The following PDE5A variants were observed in gnomAD, a reference collection of about 807,000 sequenced individuals.
PDE5A encodes phosphodiesterase 5A, also known as cGMP-specific 3',5'-cyclic phosphodiesterase.
Under a neutral mutation model 110.2 loss-of-function variants are expected in PDE5A, and 67 were observed. The observed-to-expected ratio is 0.61, with a 90% CI of 0.50 to 0.75. The LOEUF (loss-of-function observed/expected upper bound fraction) is 0.75, where lower values mean the gene tolerates loss of function less well. Among genes scored for constraint, PDE5A ranks in the 30% least tolerant of loss-of-function variants. The pLI, the probability that PDE5A is intolerant of heterozygous loss-of-function variation, is 0.00. For synonymous variants in PDE5A, 328 were observed against 351.2 expected (o/e 0.93, Z 0.74); for missense variants, 862 against 1,045.1 (o/e 0.82, Z 2.42).
rs116131811 is a variant in PDE5A at position 119,588,339 on chromosome 4, G to A, written c.831+8184C>T. ...GATTGCAGGCGCATGCCACACACCC[G>A]GCTAATTTTTGTATTTTTCGTAGAG... On this transcript the variant is annotated intron_variant, in intron 3 of 20. Coordinates refer to ENST00000354960, the MANE Select transcript of PDE5A (RefSeq NM_001083.4). 5.8e-3 allele frequency among the ~76,000 whole-genome samples: 878 copies of A among 151,538 alleles called. 12 individuals carry two copies. The highest frequency in any genetic ancestry group is 0.019 in the African/African-American group (801 of 41,318).
Position 119,544,745 on chromosome 4 carries a change from C to T in PDE5A, c.1397-2111G>A, listed in dbSNP as rs59601296. Among the ~76,000 whole-genome samples, 1,173 of 152,272 alleles carry T rather than the reference C, an allele frequency of 7.7e-3. 19 individuals carry two copies. Among genetic ancestry groups the T allele is most frequent in the African/African-American group, 0.027 (1,112 of 41,568 alleles). On this transcript the variant is annotated intron_variant, in intron 9 of 20. Transcript: ENST00000354960. The stretch of plus-strand genomic sequence containing the variant: ...GAGGGGTTGAGATGTGAATACCAGG[C>T]AATCTGCGAGGCTTATGACCTAGCT...
chr4:119,537,768 T>G (rs1471969445), intron 11 of PDE5A, among the ~76,000 whole-genome samples: 1 of 151,612 alleles, frequency 6.6e-6, no homozygotes, highest in Non-Finnish European at 1.5e-5. Context: ...AACCAGCACC[T>G]CAAACTTACC....
intron 3 of PDE5A, among the ~76,000 whole-genome samples, chr4:119,579,212 G>A (rs1303935307): frequency 1.3e-5 from 2 of 152,090 alleles, no homozygotes; most frequent in Non-Finnish European, 2.9e-5. Flanking sequence ...AGGATGTGGA[G>A]AAATAGGAAC....
chr4:119,559,191 AT>A (rs1454361844), intron 7 of PDE5A, among the ~76,000 whole-genome samples: 2 of 152,180 alleles, frequency 1.3e-5, no homozygotes, highest in Non-Finnish European at 2.9e-5. Context: ...AAATATATAT[AT>A]AGCAAGACAT....
At chr4:119,576,678 A>G (rs1728363286) in intron 3 of PDE5A, among the ~76,000 whole-genome samples, 1 of 152,200 alleles carries the variant, frequency 6.6e-6, no homozygotes, top group Non-Finnish European at 1.5e-5. Context: ...TCTGGGACAC[A>G]TTCAAAGCAG....
Position 119,497,638 on chromosome 4 carries a change from T to A in PDE5A, c.*963A>T, listed in dbSNP as rs1016209395. The A allele has an allele frequency of 3.9e-5, 6 of 152,296 alleles. No individual in the cohort carries two copies. The South Asian group carries it at 1.2e-3, about 32-fold the overall frequency. The allele number at this position is 152,296 out of a possible 1,614,324, so 9.4% of individuals were successfully genotyped here. A position where few individuals can be genotyped will look rare whatever the true frequency, so the allele number is the denominator to read the frequency against. On this transcript the variant is annotated 3_prime_UTR_variant, in exon 21 of 21. Coordinates refer to ENST00000354960, the MANE Select transcript of PDE5A (RefSeq NM_001083.4). Reference sequence around the variant, plus strand: ...CCTTTGCTATTTATATAATTAAAACTTTTCTTTAAATTTCAATTGACAGGA... The same window carrying A: ...CCTTTGCTATTTATATAATTAAAACATTTCTTTAAATTTCAATTGACAGGA...
chr4:119,621,807 A>G (rs1349330615), intron 1 of PDE5A, among the ~76,000 whole-genome samples: 1 of 152,232 alleles, frequency 6.6e-6, no homozygotes, highest in African/African-American at 2.4e-5. Context: ...ACTTGCAACC[A>G]AAAGCTTTCT....
At chr4:119,611,787 T>C (rs1206502040) in intron 1 of PDE5A, among the ~76,000 whole-genome samples, 3 of 151,998 alleles carry the variant, frequency 2.0e-5, no homozygotes, top group Non-Finnish European at 4.4e-5. Context: ...GACTACATTA[T>C]TGATTATCTG....
At chr4:119,523,128 TACAA>T (rs369206419) in intron 12 of PDE5A, among the ~76,000 whole-genome samples, 4 of 152,228 alleles carry the variant, frequency 2.6e-5, no homozygotes, top group African/African-American at 9.6e-5. Flanking sequence ...AGGGTTCTCT[TACAA>T]ACAGATATTC....
intron 14 of PDE5A, among the ~76,000 whole-genome samples, chr4:119,516,841 G>A (rs977950628): frequency 3.3e-5 from 5 of 152,108 alleles, no homozygotes; most frequent in African/African-American, 1.2e-4. Flanking sequence ...GCCTGGTCTC[G>A]AACTCCTGAC....
chr4:119,609,000 A>T (rs940247964), intron 1 of PDE5A, among the ~76,000 whole-genome samples: 2 of 152,032 alleles, frequency 1.3e-5, no homozygotes, highest in East Asian at 3.9e-4. Flanking sequence ...CTCTACTAAA[A>T]ATACAAAAAA....
At chr4:119,564,039 A>G (rs923024105) in intron 5 of PDE5A, among the ~76,000 whole-genome samples, 7 of 152,142 alleles carry the variant, frequency 4.6e-5, no homozygotes, top group Non-Finnish European at 1.0e-4. Flanking sequence ...AATGAAAAAA[A>G]ATACTGTGAA....
At chr4:119,585,550 T>C (rs1285521021) in intron 3 of PDE5A, among the ~76,000 whole-genome samples, 3 of 151,896 alleles carry the variant, frequency 2.0e-5, no homozygotes, top group African/African-American at 7.3e-5. Context: ...ATGAGCAGAG[T>C]TCCTCTTTTA....
At chr4:119,624,284 A>G (rs1225475642) in intron 1 of PDE5A, among the ~76,000 whole-genome samples, 1 of 152,200 alleles carries the variant, frequency 6.6e-6, no homozygotes, top group East Asian at 1.9e-4. Flanking sequence ...TTATATTCCT[A>G]TATAATTATA....
chr4:119,578,747 C>G (rs1728475626), intron 3 of PDE5A, among the ~76,000 whole-genome samples: 1 of 152,062 alleles, frequency 6.6e-6, no homozygotes, highest in Admixed American at 6.5e-5. Context: ...AGAAGAAAAC[C>G]TAGGCAATAC....
At chr4:119,530,092 T>A (rs1001297275) in intron 11 of PDE5A, among the ~76,000 whole-genome samples, 1 of 152,066 alleles carries the variant, frequency 6.6e-6, no homozygotes, top group Admixed American at 6.6e-5. Context: ...TTATTGGTAG[T>A]AAATAGTAGT....
chr4:119,499,456 T>C (rs1725211140), intron 20 of PDE5A: 2 of 152,218 alleles, frequency 1.3e-5, no homozygotes. Flanking sequence ...AGCATATACA[T>C]TGATATGTTA....
chr4:119,530,508 G>A (rs968544896), intron 11 of PDE5A, among the ~76,000 whole-genome samples: 8 of 152,068 alleles, frequency 5.3e-5, no homozygotes, highest in Admixed American at 5.2e-4. Context: ...TCTGGATAAT[G>A]ACATGTATCT....
At chr4:119,590,545 G>A (rs1229125882) in intron 3 of PDE5A, among the ~76,000 whole-genome samples, 4 of 151,940 alleles carry the variant, frequency 2.6e-5, no homozygotes, top group Non-Finnish European at 1.5e-5. Flanking sequence ...GTAGGGAGAG[G>A]GGAAGATTGC....
Sources: gnomAD v4.1 joint callset for allele counts (sites outside exome capture counted in the v4.1 genomes callset) on GRCh38, gnomAD v4.1.1 for gene constraint, MANE v1.5 for transcripts, NCBI Gene and HGNC (gene_info 2026-07-23, HGNC 2026-07-21) for gene names.